RPTOR: variants seen among roughly 807,000 people sequenced by gnomAD.
RPTOR encodes regulatory associated protein of MTOR complex 1.
Under a neutral mutation model 169.9 loss-of-function variants are expected in RPTOR, and 21 were observed. The ratio of observed to expected loss-of-function variants is 0.12; its 90% confidence interval spans 0.09 to 0.18. The LOEUF (loss-of-function observed/expected upper bound fraction) is 0.18, where lower values mean the gene tolerates loss of function less well. Ranked by LOEUF, RPTOR falls within the 10% of genes least tolerant of loss-of-function variation. RPTOR has a pLI of 1.00. For synonymous variants in RPTOR, 732 were observed against 753.2 expected (o/e 0.97, Z 0.46); for missense variants, 1,133 against 1,855.9 (o/e 0.61, Z 7.16).
At chr17:80,880,598 A>G in intron 14 of RPTOR, 109 bp downstream of exon 14, 1 of 1,047,896 alleles carries the variant, frequency 9.5e-7, no homozygotes, top group Non-Finnish European at 1.5e-6. Flanking sequence ...GAGAAAGGTC[A>G]AGGGTCACAG....
At chr17:80,677,642 T>C (rs1482276578) in intron 3 of RPTOR, among the ~76,000 whole-genome samples, 1 of 152,228 alleles carries the variant, frequency 6.6e-6, no homozygotes, top group Admixed American at 6.5e-5. Flanking sequence ...TTCAGGCGTT[T>C]GCTGGGCAGT....
chr17:80,926,439 C>T (rs1195792911), intron 24 of RPTOR, among the ~76,000 whole-genome samples: 1 of 152,218 alleles, frequency 6.6e-6, no homozygotes, highest in Non-Finnish European at 1.5e-5. Context: ...CCTTAAATAG[C>T]CGTTCCCTTT....
At chr17:80,816,309 T>C (rs1251492691) in intron 7 of RPTOR, among the ~76,000 whole-genome samples, 1 of 152,176 alleles carries the variant, frequency 6.6e-6, no homozygotes, top group Non-Finnish European at 1.5e-5. Context: ...GAGGCATCTT[T>C]GGGAGGCCTG....
Position 80,685,602 on chromosome 17 carries a change from C to CATATATATATAT in RPTOR, c.349-22224_349-22213dup, listed in dbSNP as rs1164461444. On this transcript the variant is annotated intron_variant, in intron 3 of 33. Transcript: ENST00000306801. ...ATTTTTGTATATTCAGGGCCATTTC[C>CATATATATATAT]ATATATATATATATATATATATATA... is the stretch of plus-strand genomic sequence containing the variant. Among the ~76,000 whole-genome samples, 59 of 34,488 alleles carry CATATATATATAT rather than the reference C, an allele frequency of 1.7e-3. 2 individuals are homozygous for CATATATATATAT. Among genetic ancestry groups the CATATATATATAT allele is most frequent in the South Asian group, 3.8e-3 (3 of 790 alleles). The allele number at this position is 34,488 out of a possible 152,430, so 22.6% of individuals were successfully genotyped here. A position where few individuals can be genotyped will look rare whatever the true frequency, so the allele number is the denominator to read the frequency against.
intron 9 of RPTOR, among the ~76,000 whole-genome samples, chr17:80,832,990 GCTTT>G (rs1357316014): frequency 6.6e-6 from 1 of 152,148 alleles, no homozygotes; most frequent in Non-Finnish European, 1.5e-5. Context: ...CTCAGAGCCG[GCTTT>G]CTGTTTAATG....
At chr17:80,756,502 C>T (rs2066682013) in intron 6 of RPTOR, among the ~76,000 whole-genome samples, 1 of 151,942 alleles carries the variant, frequency 6.6e-6, no homozygotes, top group Non-Finnish European at 1.5e-5. Flanking sequence ...TTGTAATGGC[C>T]CCAACACAAA....
chr17:80,640,925 T>C (rs1429892967), intron 2 of RPTOR, among the ~76,000 whole-genome samples: 1 of 152,250 alleles, frequency 6.6e-6, no homozygotes, highest in Non-Finnish European at 1.5e-5. Context: ...CCATGCTGGT[T>C]GCTGCAGTTA....
chr17:80,573,189 A>T (rs1267090507), intron 1 of RPTOR, among the ~76,000 whole-genome samples: 3 of 152,162 alleles, frequency 2.0e-5, no homozygotes, highest in Non-Finnish European at 4.4e-5. Flanking sequence ...AGGGCTTTAT[A>T]AAAAATGTGT....
intron 1 of RPTOR, among the ~76,000 whole-genome samples, chr17:80,598,882 T>TTCTTTCTATCTATCTATCTATCTA (rs752610583): frequency 1.7e-4 from 25 of 146,754 alleles, no homozygotes; most frequent in Admixed American, 5.5e-4. Flanking sequence ...TCTTGATTCT[T>TTCTTTCTATCTATCTATCTATCTA]TCTATCTATC....
At chr17:80,711,908 T>A (rs1029762124) in intron 4 of RPTOR, among the ~76,000 whole-genome samples, 5 of 151,960 alleles carry the variant, frequency 3.3e-5, no homozygotes, top group African/African-American at 1.2e-4. Flanking sequence ...CACGCCCGGC[T>A]AATATTTGTA....
chr17:80,778,082 T>C (rs1235321056), intron 6 of RPTOR, among the ~76,000 whole-genome samples: 1 of 152,226 alleles, frequency 6.6e-6, no homozygotes, highest in African/African-American at 2.4e-5. Context: ...CCATTTTACT[T>C]TGATCATATA....
chr17:80,753,770 G>A (rs2066653415), intron 5 of RPTOR, among the ~76,000 whole-genome samples: 1 of 152,026 alleles, frequency 6.6e-6, no homozygotes, highest in Non-Finnish European at 1.5e-5. Flanking sequence ...AGAGTTGACA[G>A]AGACACAACC....
chr17:80,756,844 A>G (rs2066685384), intron 6 of RPTOR, among the ~76,000 whole-genome samples: 1 of 152,240 alleles, frequency 6.6e-6, no homozygotes, highest in Admixed American at 6.5e-5. Context: ...CAATTTAAAG[A>G]ATACAAAAAA....
intron 9 of RPTOR, among the ~76,000 whole-genome samples, chr17:80,824,203 A>G (rs2067414089): frequency 6.6e-6 from 1 of 152,242 alleles, no homozygotes; most frequent in South Asian, 2.1e-4. Flanking sequence ...AATACATTAT[A>G]CCCAGCATAG....
At chr17:80,792,498 A>G (rs2067058859) in intron 7 of RPTOR, among the ~76,000 whole-genome samples, 1 of 152,072 alleles carries the variant, frequency 6.6e-6, no homozygotes, top group Non-Finnish European at 1.5e-5. Context: ...AAGGCCGGGG[A>G]AGCGACACTG....
At chr17:80,930,364 C>CAGCTCATCCTCAG (rs2068873354) in intron 24 of RPTOR, among the ~76,000 whole-genome samples, 1 of 55,312 alleles carries the variant, frequency 1.8e-5, no homozygotes, top group Non-Finnish European at 3.8e-5. Flanking sequence ...CCCAGCTCAT[C>CAGCTCATCCTCAG]CTCAGCTCAT....
chr17:80,890,566 G>A (rs1175786967), intron 17 of RPTOR, among the ~76,000 whole-genome samples: 1 of 152,208 alleles, frequency 6.6e-6, no homozygotes, highest in Non-Finnish European at 1.5e-5. Flanking sequence ...GTGATGCCAG[G>A]GCTCCATTCT....
chr17:80,691,514 T>C (rs750618794), intron 3 of RPTOR, among the ~76,000 whole-genome samples: 26 of 152,196 alleles, frequency 1.7e-4, no homozygotes, highest in Non-Finnish European at 3.4e-4. Flanking sequence ...GGCCACCCTA[T>C]TGAATGCATG....
chr17:80,699,895 G>C (rs895296749), intron 3 of RPTOR, among the ~76,000 whole-genome samples: 1 of 151,940 alleles, frequency 6.6e-6, no homozygotes, highest in Non-Finnish European at 1.5e-5. Flanking sequence ...GTACCCTGGT[G>C]CAGTGATGGG....
Sources: gnomAD v4.1 joint callset for allele counts (sites outside exome capture counted in the v4.1 genomes callset) on GRCh38, gnomAD v4.1.1 for gene constraint, MANE v1.5 for transcripts, NCBI Gene and HGNC (gene_info 2026-07-23, HGNC 2026-07-21) for gene names.